The following RBFOX1 variants were observed in gnomAD, a reference collection of about 807,000 sequenced individuals.
The protein encoded by RBFOX1 is RNA binding fox-1 homolog 1.
Under a neutral mutation model 57.7 loss-of-function variants are expected in RBFOX1, and 8 were observed. The ratio of observed to expected loss-of-function variants is 0.14; its 90% CI spans 0.08 to 0.25. The LOEUF (loss-of-function observed/expected upper bound fraction) is 0.25. Ranked by LOEUF, RBFOX1 falls within the 10% of genes least tolerant of loss-of-function variation. RBFOX1 has a pLI of 1.00. For synonymous variants in RBFOX1, 326 were observed against 222.4 expected (o/e 1.47, Z -4.15); for missense variants, 611 against 548.5 (o/e 1.11, Z -1.14).
intron 4 of RBFOX1, among the ~76,000 whole-genome samples, chr16:7,326,159 G>A (rs77996949): frequency 3.1e-4 from 47 of 152,324 alleles, no homozygotes; most frequent in African/African-American, 1.0e-3. Context: ...CAACTACTCT[G>A]TGCCCAGTCC....
chr16:6,378,482 G>A (rs9933812), intron 2 of RBFOX1, among the ~76,000 whole-genome samples: 1 of 152,198 alleles, frequency 6.6e-6, no homozygotes, highest in Non-Finnish European at 1.5e-5. Flanking sequence ...TGGTCTTGGT[G>A]TTCCATCTTG....
intron 3 of RBFOX1, among the ~76,000 whole-genome samples, chr16:6,656,956 C>CCCTCTCCTCT (rs1814282833): frequency 5.4e-5 from 5 of 91,948 alleles, no homozygotes; most frequent in African/African-American, 2.4e-4. Context: ...TCCTCTCCTC[C>CCCTCTCCTCT]CCTTTCCTCT....
chr16:5,319,908 A>G (rs1457622246), intron 1 of RBFOX1, among the ~76,000 whole-genome samples: 1 of 152,118 alleles, frequency 6.6e-6, no homozygotes, highest in Non-Finnish European at 1.5e-5. Flanking sequence ...AGGGAAGGAG[A>G]GAGTGCAGAA....
At chr16:6,418,666 G>T (rs998193695) in intron 2 of RBFOX1, among the ~76,000 whole-genome samples, 2 of 151,834 alleles carry the variant, frequency 1.3e-5, no homozygotes, top group Non-Finnish European at 2.9e-5. Context: ...TGGGCTACAG[G>T]TGCATGCCAC....
intron 2 of RBFOX1, among the ~76,000 whole-genome samples, chr16:6,606,999 C>G (rs968286090): frequency 6.6e-6 from 1 of 152,178 alleles, no homozygotes; most frequent in Non-Finnish European, 1.5e-5. Context: ...TCCTATTTCT[C>G]CAGAGCCTTG....
chr16:6,575,773 C>T (rs1399212935), intron 2 of RBFOX1, among the ~76,000 whole-genome samples: 1 of 151,516 alleles, frequency 6.6e-6, no homozygotes, highest in Non-Finnish European at 1.5e-5. Context: ...AGGAGAATCG[C>T]TTGAACCCAG....
At chr16:5,632,971 C>T (rs912766379) in intron 3 of RBFOX1, among the ~76,000 whole-genome samples, 1 of 133,226 alleles carries the variant, frequency 7.5e-6, no homozygotes, top group African/African-American at 2.8e-5. Context: ...TGGAGTCTCA[C>T]TCTGTCACCT....
At chr16:5,672,501 A>T (rs186483735) in intron 3 of RBFOX1, among the ~76,000 whole-genome samples, 38 of 152,014 alleles carry the variant, frequency 2.5e-4, no homozygotes, top group Non-Finnish European at 4.6e-4. Context: ...GGACAAGCAC[A>T]CCCCTCCAGA....
At chr16:5,710,069 G>C (rs2051428448) in intron 3 of RBFOX1, among the ~76,000 whole-genome samples, 1 of 150,856 alleles carries the variant, frequency 6.6e-6, no homozygotes, top group South Asian at 2.1e-4. Context: ...CAGCACCCGG[G>C]ACAGCTCCTG....
chr16:7,341,374 A>G (rs2096887232), intron 4 of RBFOX1, among the ~76,000 whole-genome samples: 1 of 152,174 alleles, frequency 6.6e-6, no homozygotes, highest in Admixed American at 6.5e-5. Context: ...TATTAAGATA[A>G]TGATTTATCA....
At chr16:5,369,602 G>A (rs1312529417) in intron 1 of RBFOX1, among the ~76,000 whole-genome samples, 1 of 152,202 alleles carries the variant, frequency 6.6e-6, no homozygotes, top group Non-Finnish European at 1.5e-5. Flanking sequence ...ACGCTCCTGA[G>A]CAGCGGTCGA....
chr16:5,349,793 G>C (rs558166526), intron 1 of RBFOX1, among the ~76,000 whole-genome samples: 1 of 152,200 alleles, frequency 6.6e-6, no homozygotes, highest in African/African-American at 2.4e-5. Flanking sequence ...CACAGGAGCC[G>C]GGCTGTGCTG....
intron 4 of RBFOX1, among the ~76,000 whole-genome samples, chr16:7,509,412 G>GTC (rs1567582207): frequency 1.6e-4 from 24 of 150,250 alleles, no homozygotes; most frequent in African/African-American, 6.0e-4. Flanking sequence ...GTGTGTGTGT[G>GTC]TGTGTGTGTG....
chr16:7,560,310 G>A (rs1477091467), intron 5 of RBFOX1, among the ~76,000 whole-genome samples: 1 of 152,174 alleles, frequency 6.6e-6, no homozygotes. Flanking sequence ...TTTTAGACGT[G>A]ACAGGTGCCT....
intron 4 of RBFOX1, among the ~76,000 whole-genome samples, chr16:5,899,726 C>T (rs762363727): frequency 1.1e-4 from 17 of 152,224 alleles, no homozygotes; most frequent in East Asian, 1.9e-4. Flanking sequence ...GATTCCAACC[C>T]GCCTGGTCCA....
chr16:5,798,793 T>G (rs1254410937), intron 3 of RBFOX1, among the ~76,000 whole-genome samples: 2 of 152,220 alleles, frequency 1.3e-5, no homozygotes, highest in African/African-American at 4.8e-5. Context: ...ACCAGGGGTC[T>G]GAGCTGTGAG....
intron 4 of RBFOX1, among the ~76,000 whole-genome samples, chr16:7,268,404 C>A (rs934621384): frequency 6.6e-6 from 1 of 152,176 alleles, no homozygotes; most frequent in Non-Finnish European, 1.5e-5. Flanking sequence ...TACTGGTTTT[C>A]GATGCCTGAG....
chr16:5,376,901 C>T (rs1313568606), intron 1 of RBFOX1, among the ~76,000 whole-genome samples: 1 of 151,280 alleles, frequency 6.6e-6, no homozygotes, highest in Non-Finnish European at 1.5e-5. Context: ...GGACTAGGCC[C>T]CTGTTGCCTG....
chr16:5,312,919 G>A (rs375056640), intron 1 of RBFOX1, among the ~76,000 whole-genome samples: 1 of 152,158 alleles, frequency 6.6e-6, no homozygotes, highest in Non-Finnish European at 1.5e-5. Context: ...CTCTCACATG[G>A]TGCCTCTGTT....
Sources: gnomAD v4.1 joint callset for allele counts (sites outside exome capture counted in the v4.1 genomes callset) on GRCh38, gnomAD v4.1.1 for gene constraint, MANE v1.5 for transcripts, NCBI Gene and HGNC (gene_info 2026-07-23, HGNC 2026-07-21) for gene names.